SAMTOR: variants seen among roughly 807,000 people sequenced by gnomAD.
SAMTOR encodes S-adenosylmethionine sensor upstream of mTORC1, also known as UPF0532 protein C7orf60.
chr7:112,888,143 C>A, the SAMTOR span, among the ~76,000 whole-genome samples: 335 of 152,178 alleles, frequency 2.2e-3, 7 homozygotes, highest in Admixed American at 0.018. Context: ...TCAGTTAGTT[C>A]AAAAACATTT....
the SAMTOR span, among the ~76,000 whole-genome samples, chr7:112,921,450 G>C: frequency 1.1e-3 from 169 of 151,512 alleles, no homozygotes; most frequent in African/African-American, 3.9e-3. Context: ...ATTAATTCAA[G>C]ATGGATTAAA....
the SAMTOR span, among the ~76,000 whole-genome samples, chr7:112,836,487 T>A: frequency 6.6e-6 from 1 of 152,110 alleles, no homozygotes; most frequent in East Asian, 1.9e-4. Context: ...TTTAAGTAGG[T>A]CCCACTTGTC....
chr7:112,838,189 C>T, the SAMTOR span, among the ~76,000 whole-genome samples: 1 of 151,936 alleles, frequency 6.6e-6, no homozygotes, highest in East Asian at 1.9e-4. Flanking sequence ...AAATTTTTTG[C>T]CACAAGTATT....
the SAMTOR span, among the ~76,000 whole-genome samples, chr7:112,859,716 A>C: frequency 3.3e-5 from 5 of 152,232 alleles, no homozygotes; most frequent in Admixed American, 6.5e-5. Flanking sequence ...AGTAAAAAAA[A>C]CAAAATTTAA....
the SAMTOR span, among the ~76,000 whole-genome samples, chr7:112,901,529 A>G: frequency 6.6e-6 from 1 of 152,164 alleles, no homozygotes; most frequent in African/African-American, 2.4e-5. Flanking sequence ...CAATGTACTA[A>G]TAATAGAAAT....
At chr7:112,856,818 G>A in the SAMTOR span, among the ~76,000 whole-genome samples, 1 of 152,036 alleles carries the variant, frequency 6.6e-6, no homozygotes, top group Admixed American at 6.6e-5. Flanking sequence ...TAAAAGAAAT[G>A]AGGAAAAATC....
the SAMTOR span, among the ~76,000 whole-genome samples, chr7:112,866,974 G>A: frequency 1.3e-5 from 2 of 152,162 alleles, no homozygotes; most frequent in African/African-American, 4.8e-5. Context: ...AATACCAGAT[G>A]AAGGAATTTA....
the SAMTOR span, among the ~76,000 whole-genome samples, chr7:112,907,557 G>A: frequency 6.6e-6 from 1 of 150,980 alleles, no homozygotes; most frequent in African/African-American, 2.4e-5. Flanking sequence ...AAGACAAAGG[G>A]CACAAATATT....
At chr7:112,825,247 G>T in the SAMTOR span, among the ~76,000 whole-genome samples, 1 of 151,346 alleles carries the variant, frequency 6.6e-6, no homozygotes, top group Non-Finnish European at 1.5e-5. Flanking sequence ...GGATGGTCTC[G>T]AACTTTTGGA....
the SAMTOR span, chr7:112,820,219 A>G: frequency 3.9e-5 from 6 of 152,490 alleles, no homozygotes; most frequent in Admixed American, 1.3e-4. Context: ...CATTTATATC[A>G]TAAAGGATAA....
chr7:112,831,037 A>T, the SAMTOR span, among the ~76,000 whole-genome samples: 2 of 152,110 alleles, frequency 1.3e-5, no homozygotes, highest in Admixed American at 6.5e-5. Context: ...TCTTTTATTT[A>T]AAAAAGTATT....
the SAMTOR span, among the ~76,000 whole-genome samples, chr7:112,841,850 G>A: frequency 6.6e-6 from 1 of 152,000 alleles, no homozygotes; most frequent in African/African-American, 2.4e-5. Context: ...CTTAATAAAT[G>A]GTGTTGGGAA....
chr7:112,909,012 C>A, the SAMTOR span, among the ~76,000 whole-genome samples: 5 of 152,214 alleles, frequency 3.3e-5, no homozygotes, highest in Admixed American at 2.0e-4. Context: ...GGCAAATGAC[C>A]GTAACAACTG....
the SAMTOR span, among the ~76,000 whole-genome samples, chr7:112,828,052 A>G: frequency 6.6e-6 from 1 of 152,194 alleles, no homozygotes; most frequent in Non-Finnish European, 1.5e-5. Context: ...CTGCATCCAC[A>G]GATGTGGAAT....
At chr7:112,927,592 CAG>C in the SAMTOR span, among the ~76,000 whole-genome samples, 3 of 151,666 alleles carry the variant, frequency 2.0e-5, no homozygotes, top group African/African-American at 2.4e-5. Context: ...AAAAGTGAGA[CAG>C]AGAGAAAGAG....
chr7:112,929,501 T>G, the SAMTOR span, among the ~76,000 whole-genome samples: 4 of 151,964 alleles, frequency 2.6e-5, no homozygotes, highest in Admixed American at 2.6e-4. Flanking sequence ...GTATGTAAAT[T>G]AGTACAGCCA....
the SAMTOR span, among the ~76,000 whole-genome samples, chr7:112,894,703 C>A: frequency 6.6e-6 from 1 of 152,074 alleles, no homozygotes; most frequent in East Asian, 1.9e-4. Context: ...GGAAACCGCC[C>A]CCATGATTCA....
chr7:112,898,451 G>C, the SAMTOR span, among the ~76,000 whole-genome samples: 1 of 152,112 alleles, frequency 6.6e-6, no homozygotes, highest in African/African-American at 2.4e-5. Flanking sequence ...TGCAACCCAG[G>C]TACCAGCCCA....
At chr7:112,876,374 C>T in the SAMTOR span, among the ~76,000 whole-genome samples, 7 of 152,250 alleles carry the variant, frequency 4.6e-5, no homozygotes, top group Admixed American at 2.0e-4. Flanking sequence ...CCTGGAAATA[C>T]GTACAAATTC....
Sources: allele counts gnomAD v4.1 joint callset (sites outside exome capture counted in the v4.1 genomes callset), GRCh38; gene constraint gnomAD v4.1.1; transcripts MANE v1.5; gene names NCBI Gene and HGNC (gene_info 2026-07-23, HGNC 2026-07-21).